Variants in FSTL5 observed in about 807,000 individuals in gnomAD.
FSTL5 encodes follistatin-related protein 5.
FSTL5 carries 62 observed loss-of-function variants against 89.1 expected under a neutral mutation model. The ratio of observed to expected loss-of-function variants is 0.70; its 90% CI spans 0.57 to 0.86. FSTL5 has a LOEUF of 0.86. Ranked by LOEUF, FSTL5 falls within the 40% of genes least tolerant of loss-of-function variation. The pLI is 0.00. For synonymous variants in FSTL5, 383 were observed against 346.2 expected (o/e 1.11, Z -1.18); for missense variants, 1,057 against 1,001.6 (o/e 1.06, Z -0.75).
At chr4:161,641,765 C>T (rs547756060) in intron 7 of FSTL5, among the ~76,000 whole-genome samples, 1 of 152,242 alleles carries the variant, frequency 6.6e-6, no homozygotes, top group Non-Finnish European at 1.5e-5. Flanking sequence ...GCTGGGATTA[C>T]AGGCATGAGC....
At chr4:161,688,647 A>G (rs1737823686) in intron 6 of FSTL5, among the ~76,000 whole-genome samples, 1 of 152,208 alleles carries the variant, frequency 6.6e-6, no homozygotes, top group Non-Finnish European at 1.5e-5. Flanking sequence ...TAGAAATATT[A>G]CTATATGCTT....
chr4:161,469,453 C>A (rs564396717), intron 13 of FSTL5, among the ~76,000 whole-genome samples: 2 of 152,070 alleles, frequency 1.3e-5, no homozygotes, highest in African/African-American at 4.8e-5. Context: ...TCTCCAACCC[C>A]GTGCCAAAAC....
chr4:162,068,829 C>A (rs1347026820), intron 2 of FSTL5, among the ~76,000 whole-genome samples: 2 of 151,914 alleles, frequency 1.3e-5, no homozygotes, highest in South Asian at 2.1e-4. Flanking sequence ...CTAAAAGGAA[C>A]TTAATTAAAT....
chr4:161,532,291 G>C (rs77017236), intron 10 of FSTL5, among the ~76,000 whole-genome samples: 9,274 of 151,920 alleles, frequency 0.061, 898 homozygotes, highest in African/African-American at 0.21. Context: ...TGCTTTATAC[G>C]TAAGATCGAA....
chr4:161,742,224 C>A (rs1370342360), intron 6 of FSTL5, among the ~76,000 whole-genome samples: 5 of 152,114 alleles, frequency 3.3e-5, no homozygotes, highest in Non-Finnish European at 7.4e-5. Context: ...AGTGAAGGAC[C>A]ATTAAAATGA....
intron 1 of FSTL5, among the ~76,000 whole-genome samples, chr4:162,135,912 C>A (rs556964214): frequency 6.6e-6 from 1 of 152,180 alleles, no homozygotes; most frequent in African/African-American, 2.4e-5. Context: ...TCTCTATACA[C>A]ATTTTATGCT....
At position 161,464,784 on chromosome 4, in the gene FSTL5, A is replaced by G. The variant is rs974547613; in HGVS notation, c.1609-5465T>C. On this transcript the variant is annotated intron_variant, in intron 13 of 15. Coordinates refer to ENST00000306100, the MANE Select transcript of FSTL5 (RefSeq NM_020116.5). ...TATTATTATTAAGATCATGATCATTATTGTTATTATTTATTTTCTTAAAAA... is the reference window on the plus strand; with the variant it reads ...TATTATTATTAAGATCATGATCATTGTTGTTATTATTTATTTTCTTAAAAA... Among the ~76,000 whole-genome samples the G allele has an allele frequency of 4.6e-5, 7 of 152,156 alleles. No homozygotes were observed. In the East Asian group the frequency reaches 9.7e-4, roughly 21 times the overall value.
At chr4:161,892,333 G>A (rs1733014216) in intron 4 of FSTL5, among the ~76,000 whole-genome samples, 1 of 151,650 alleles carries the variant, frequency 6.6e-6, no homozygotes, top group Non-Finnish European at 1.5e-5. Context: ...ATTGTTTTAG[G>A]GATTAAAATA....
At chr4:162,134,053 G>T (rs79062460) in intron 1 of FSTL5, among the ~76,000 whole-genome samples, 1,655 of 152,232 alleles carry the variant, frequency 0.011, 31 homozygotes, top group African/African-American at 0.037. Flanking sequence ...TTTGGTGTTT[G>T]TCTGTCAACT....
At position 161,760,674 on chromosome 4, in the gene FSTL5, T is replaced by G. The variant is rs554325086; in HGVS notation, c.607-1143A>C. Reference sequence around the variant, plus strand: ...AGTAATTTTTACATAATGCATTGCTTCTTTAAATAATTCACTGCAGACTTC... The same window carrying G: ...AGTAATTTTTACATAATGCATTGCTGCTTTAAATAATTCACTGCAGACTTC... On this transcript the variant is annotated intron_variant, in intron 5 of 15. Transcript: ENST00000306100. Among the ~76,000 whole-genome samples, 16 of 152,290 alleles carry G rather than the reference T, an allele frequency of 1.1e-4. No homozygotes were observed. In the South Asian group the frequency reaches 3.3e-3, roughly 32 times the overall value.
intron 4 of FSTL5, among the ~76,000 whole-genome samples, chr4:161,903,619 G>T (rs1249153168): frequency 6.6e-6 from 1 of 151,974 alleles, no homozygotes; most frequent in Non-Finnish European, 1.5e-5. Context: ...ACAAAAGCCA[G>T]ACAAGTCAAC....
chr4:161,874,070 A>T (rs1732361112), intron 4 of FSTL5, among the ~76,000 whole-genome samples: 2 of 152,078 alleles, frequency 1.3e-5, no homozygotes, highest in Non-Finnish European at 2.9e-5. Flanking sequence ...ATATGGTACT[A>T]TTGTGTTATT....
At chr4:161,878,403 A>G (rs914092595) in intron 4 of FSTL5, among the ~76,000 whole-genome samples, 4 of 152,104 alleles carry the variant, frequency 2.6e-5, no homozygotes, top group African/African-American at 9.7e-5. Context: ...GTTGGGAATT[A>G]TTTTTACTTT....
At chr4:162,127,527 G>A (rs577490315) in intron 1 of FSTL5, among the ~76,000 whole-genome samples, 2 of 152,246 alleles carry the variant, frequency 1.3e-5, no homozygotes, top group Admixed American at 1.3e-4. Context: ...AATACCATTT[G>A]TAAGGCATTT....
chr4:161,705,952 GTATATATATATATA>G (rs1206067350), intron 6 of FSTL5, among the ~76,000 whole-genome samples: 1 of 30,662 alleles, frequency 3.3e-5, no homozygotes, highest in Admixed American at 3.6e-4. Context: ...GTAGATGTGT[GTATATATATATATA>G]TATATATATA....
chr4:161,740,516 A>G (rs531661986), intron 6 of FSTL5, among the ~76,000 whole-genome samples: 1 of 152,302 alleles, frequency 6.6e-6, no homozygotes, highest in South Asian at 2.1e-4. Context: ...TTCTTCAAGA[A>G]CTAAACCCTT....
chr4:161,484,285 G>A (rs1729607750), intron 12 of FSTL5, among the ~76,000 whole-genome samples: 1 of 151,916 alleles, frequency 6.6e-6, no homozygotes, highest in South Asian at 2.1e-4. Context: ...CATTCCTAAA[G>A]ACAGATATTT....
At chr4:161,630,207 G>A (rs769543106) in intron 7 of FSTL5, among the ~76,000 whole-genome samples, 1 of 152,208 alleles carries the variant, frequency 6.6e-6, no homozygotes, top group African/African-American at 2.4e-5. Flanking sequence ...GACTCACCAT[G>A]TTTATGCTAA....
intron 7 of FSTL5, among the ~76,000 whole-genome samples, chr4:161,634,919 T>A (rs574273535): frequency 1.3e-5 from 2 of 152,240 alleles, no homozygotes; most frequent in Non-Finnish European, 2.9e-5. Flanking sequence ...AGGTAATGGA[T>A]ATCTTAATTA....
Sources: gnomAD v4.1 joint callset for allele counts (sites outside exome capture counted in the v4.1 genomes callset) on GRCh38, gnomAD v4.1.1 for gene constraint, MANE v1.5 for transcripts, NCBI Gene and HGNC (gene_info 2026-07-23, HGNC 2026-07-21) for gene names.